The following TCF7L2 variants were observed in gnomAD, a reference collection of about 807,000 sequenced individuals.
The protein encoded by TCF7L2 is transcription factor 7 like 2.
In TCF7L2, 23 loss-of-function variants were observed where a neutral mutation model predicts 77.9. The observed-to-expected ratio is 0.30, with a 90% confidence interval of 0.21 to 0.42. The LOEUF (loss-of-function observed/expected upper bound fraction) is 0.42. Among genes scored for constraint, TCF7L2 ranks in the 10% least tolerant of loss-of-function variants. TCF7L2 has a pLI of 1.00. For synonymous variants in TCF7L2, 413 were observed against 340.2 expected, an observed-to-expected ratio of 1.21 and a Z score of -2.36; for missense variants, 654 against 793.1, an observed-to-expected ratio of 0.82 and a Z score of 2.11.
chr10:112,954,459 A>C (rs1041258694), intron 3 of TCF7L2, among the ~76,000 whole-genome samples: 6 of 152,226 alleles, frequency 3.9e-5, no homozygotes, highest in African/African-American at 1.4e-4. Flanking sequence ...GACACCATAA[A>C]GCTTGATAGT....
Position 113,160,706 on chromosome 10 carries a change from C to A in TCF7L2, c.1391+15C>A, listed in dbSNP as rs755118116. On this transcript the variant is annotated intron_variant, in intron 13 of 13. Transcript: ENST00000627217. ...AAACCGTGCAGGTATATTACCACTGCGAGGCCTTTGGGAAAATCAAAGCAT... is the reference window on the plus strand; with the variant it reads ...AAACCGTGCAGGTATATTACCACTGAGAGGCCTTTGGGAAAATCAAAGCAT... The A allele has an allele frequency of 1.1e-5, 18 of 1,579,430 alleles. No homozygotes were observed. The South Asian group carries it at 1.9e-4, about 16-fold the overall frequency.
chr10:113,091,092 G>A (rs2060350596), intron 5 of TCF7L2, among the ~76,000 whole-genome samples: 1 of 152,100 alleles, frequency 6.6e-6, no homozygotes, highest in South Asian at 2.1e-4. Context: ...AATAGAGACA[G>A]GGTTTTGCCA....
Position 113,160,212 on chromosome 10 carries a change from C to T in TCF7L2, c.1319-407C>T, listed in dbSNP as rs146291024. On this transcript the variant is annotated intron_variant, in intron 12 of 13. Coordinates refer to ENST00000627217, the MANE Select transcript of TCF7L2 (RefSeq NM_001146274.2). ...TAAAACAGCATCACTCGTGCCTCCT[C>T]GGGTCAGCGACAGCAAACCTTAGCG... Among the ~76,000 whole-genome samples the T allele has an allele frequency of 2.3e-3, 350 of 152,034 alleles. 1 individual carries two copies. The highest frequency in any genetic ancestry group is 0.017 in the Middle Eastern group (5 of 294).
intron 4 of TCF7L2, among the ~76,000 whole-genome samples, chr10:113,021,190 T>C (rs987893326): frequency 3.9e-5 from 6 of 152,222 alleles, no homozygotes; most frequent in African/African-American, 1.4e-4. Context: ...TCTGTGACCT[T>C]GGGCGGGTTG....
intron 4 of TCF7L2, among the ~76,000 whole-genome samples, chr10:112,995,495 C>T (rs954875073): frequency 2.0e-5 from 3 of 151,982 alleles, no homozygotes; most frequent in African/African-American, 7.3e-5. Flanking sequence ...CAGCGGGAGG[C>T]GTAACTGGGA....
chr10:113,125,958 A>T (rs2065519716), intron 5 of TCF7L2: 1 of 152,192 alleles, frequency 6.6e-6, no homozygotes, highest in South Asian at 2.1e-4. Flanking sequence ...CACATTCTTG[A>T]TTTTGTTTAA....
intron 5 of TCF7L2, among the ~76,000 whole-genome samples, chr10:113,076,627 C>T (rs2058729555): frequency 6.6e-6 from 1 of 152,132 alleles, no homozygotes; most frequent in African/African-American, 2.4e-5. Context: ...TTCTATGGTT[C>T]CTTTATGACA....
chr10:113,119,621 A>G (rs2064429327), intron 5 of TCF7L2, among the ~76,000 whole-genome samples: 1 of 152,028 alleles, frequency 6.6e-6, no homozygotes, highest in African/African-American at 2.4e-5. Context: ...TCTTGGCCAC[A>G]TGTCTCCACC....
chr10:112,964,706 A>C (rs1589743268), intron 4 of TCF7L2, 82 bp downstream of exon 4: 4 of 1,091,778 alleles, frequency 3.7e-6, no homozygotes, highest in Non-Finnish European at 4.0e-6. Flanking sequence ...CCTTCCCCCA[A>C]CTGAGATAAT....
intron 5 of TCF7L2, among the ~76,000 whole-genome samples, chr10:113,071,986 A>G (rs1022008350): frequency 6.6e-6 from 1 of 152,244 alleles, no homozygotes; most frequent in Non-Finnish European, 1.5e-5. Flanking sequence ...TTACTGTTTT[A>G]ATAAGGGAGG....
chr10:112,963,533 A>G (rs2035825872), intron 3 of TCF7L2, among the ~76,000 whole-genome samples: 1 of 152,256 alleles, frequency 6.6e-6, no homozygotes, highest in Admixed American at 6.5e-5. Context: ...CATCAATTTC[A>G]CAGGGTCATC....
At chr10:113,161,141 T>G (rs2073100907) in intron 13 of TCF7L2, 3 of 232,418 alleles carry the variant, frequency 1.3e-5, no homozygotes, top group South Asian at 2.0e-4. Flanking sequence ...GGGGTAGGCT[T>G]CTTCTTTCCC....
At chr10:112,973,516 C>G (rs917780715) in intron 4 of TCF7L2, among the ~76,000 whole-genome samples, 1 of 152,174 alleles carries the variant, frequency 6.6e-6, no homozygotes, top group African/African-American at 2.4e-5. Context: ...CACTTCCCCA[C>G]ACTGGATGAT....
chr10:112,967,130 A>G (rs1429475279), intron 4 of TCF7L2, among the ~76,000 whole-genome samples: 1 of 152,254 alleles, frequency 6.6e-6, no homozygotes, highest in Non-Finnish European at 1.5e-5. Context: ...TACATTGGGG[A>G]GCTCATAATC....
At chr10:113,110,829 C>G (rs10885415) in intron 5 of TCF7L2, among the ~76,000 whole-genome samples, 3,499 of 152,108 alleles carry the variant, frequency 0.023, 56 homozygotes, top group South Asian at 0.063. Context: ...CCTGAGTGCC[C>G]GTAATGTTTC....
chr10:112,966,264 C>CT (rs1488417821), intron 4 of TCF7L2, among the ~76,000 whole-genome samples: 6 of 147,310 alleles, frequency 4.1e-5, no homozygotes, highest in Non-Finnish European at 8.9e-5. Context: ...TTATGTGTGT[C>CT]TTTTGGGGGA....
At chr10:113,144,100 CTGTGTGTGTGTGTGTGTGTGTGTGTG>C (rs3830991) in intron 7 of TCF7L2, 75 bp downstream of exon 7, 2 of 652,014 alleles carry the variant, frequency 3.1e-6, no homozygotes, top group East Asian at 6.6e-5. Flanking sequence ...GTGTGTGTGT[CTGTGTGTGTGTGTGTGTGTGTGTGTG>C]TGTGTGTGTG....
At chr10:113,126,795 G>C in intron 5 of TCF7L2, 1 of 985,162 alleles carries the variant, frequency 1.0e-6, no homozygotes, top group South Asian at 4.7e-5. Flanking sequence ...GCCCGCGGCC[G>C]GCGCGGGCCC....
intron 4 of TCF7L2, among the ~76,000 whole-genome samples, chr10:112,996,276 A>T (rs1011970222): frequency 6.6e-6 from 1 of 152,272 alleles, no homozygotes; most frequent in East Asian, 1.9e-4. Flanking sequence ...TGGCGACCGA[A>T]GTGATATGGG....
Sources: allele counts gnomAD v4.1 joint callset (sites outside exome capture counted in the v4.1 genomes callset), GRCh38; gene constraint gnomAD v4.1.1; transcripts MANE v1.5; gene names NCBI Gene and HGNC (gene_info 2026-07-23, HGNC 2026-07-21).